ITIH3: variants seen among roughly 807,000 people sequenced by gnomAD.
ITIH3 encodes inter-alpha-trypsin inhibitor heavy chain 3, also known as inter-alpha-trypsin inhibitor heavy chain H3.
ITIH3 carries 81 observed loss-of-function variants against 96.5 expected under a neutral mutation model. The ratio of observed to expected loss-of-function variants is 0.84; its 90% CI spans 0.70 to 1.01. The LOEUF (loss-of-function observed/expected upper bound fraction) is 1.01. ITIH3 is among the 50% of genes least tolerant of loss of function. The pLI is 0.00. For missense variants in ITIH3, 1,057 were observed against 1,139.3 expected, an observed-to-expected ratio of 0.93 and a Z score of 1.04; for synonymous variants, 422 against 445.2, an observed-to-expected ratio of 0.95 and a Z score of 0.66.
In ITIH3 at chr3:52,800,561, C is replaced by G. The variant is rs548752822; in HGVS notation, c.1099C>G (p.Leu367Val). The change falls in exon 10 of 22, where the codon CTG becomes GTG. Residue 367 changes from leucine to valine, a missense_variant. Leu to Val is a conservative substitution (Grantham distance 32). Transcript: ENST00000449956. The stretch of plus-strand genomic sequence containing the variant: ...AGTGACCAACATCAATGACGGGCTG[C>G]TGAGGGGCATCAGTATGCTGAACAA... ...KGMTNINDGLLRGISMLNKAR... is the reference protein window; with the variant it reads ...KGMTNINDGLVRGISMLNKAR... 6.4e-7 allele frequency: 1 copy of G among 1,558,162 alleles called. No individual in the cohort carries two copies. Among genetic ancestry groups the G allele is most frequent in the East Asian group, 2.4e-5 (1 of 41,446 alleles).
At chr3:52,795,789 A>G in intron 2 of ITIH3, 166 bp downstream of exon 2, 2 of 630,960 alleles carry the variant, frequency 3.2e-6, no homozygotes, top group South Asian at 2.2e-5. Flanking sequence ...CCTGGGAAAG[A>G]GCACCACAGA....
intron 2 of ITIH3, 28 bp downstream of exon 2, chr3:52,795,651 C>T (rs373734110): frequency 2.2e-5 from 35 of 1,608,582 alleles, no homozygotes; most frequent in African/African-American, 5.3e-5. Context: ...GGGGTGGGAC[C>T]GAGTGGGGCA....
At chr3:52,800,714 G>A (rs1327101102) in intron 10 of ITIH3, 51 bp downstream of exon 10, 1 of 1,580,304 alleles carries the variant, frequency 6.3e-7, no homozygotes, top group South Asian at 1.2e-5. Context: ...CTTGGCTGCT[G>A]CTCCTGGCTC....
At chr3:52,803,810 G>A (rs1180500412) in intron 13 of ITIH3, 45 bp from the exon 14 acceptor site, 1 of 1,606,408 alleles carries the variant, frequency 6.2e-7, no homozygotes, top group Non-Finnish European at 8.5e-7. Context: ...AAGTGGGCAG[G>A]GTGCTGCTCT....
rs1424930264 is a variant in ITIH3 at position 52,794,865 on chromosome 3, G to A, written c.62G>A (p.Gly21Asp). 2 of 1,613,990 alleles carry A rather than the reference G, an allele frequency of 1.2e-6. No individual in the cohort carries two copies. Among genetic ancestry groups the A allele is most frequent in the South Asian group, 2.2e-5 (2 of 91,078 alleles). The change falls in exon 1 of 22, where the codon GGC becomes GAC. Residue 21 changes from glycine (G) to aspartate (D), a missense_variant. Physicochemically the swap from Gly to Asp is moderately conservative, Grantham distance 94. Coordinates refer to ENST00000449956, the MANE Select transcript of ITIH3 (RefSeq NM_002217.4). The stretch of plus-strand genomic sequence containing the variant: ...CTGCTCTCCAGCTTGGCAGCCTCTG[G>A]CTTCCCGAGAAGCCCCTTTCGGCTG... ...LALLSSLAAS[G>D]FPRSPFRLLG...
At chr3:52,803,266 TTTTA>T (rs146326248) in intron 13 of ITIH3, among the ~76,000 whole-genome samples, 55,556 of 142,376 alleles carry the variant, frequency 0.39, 11,633 homozygotes, top group Non-Finnish European at 0.49. Context: ...TAGCCCCTTA[TTTTA>T]TTTATTTATT....
chr3:52,795,809 C>G (rs924542171), intron 2 of ITIH3, 186 bp downstream of exon 2: 1 of 577,596 alleles, frequency 1.7e-6, no homozygotes, highest in Non-Finnish European at 3.0e-6. Context: ...AGTGACGACC[C>G]CTCCAACCTC....
In ITIH3 at chr3:52,806,968, T is replaced by C; in HGVS notation, c.2124T>C (p.Thr708=). 6.3e-7 allele frequency: 1 copy of C among 1,595,052 alleles called. No individual in the cohort carries two copies. ...GCCCTGACTCCAAGACCAGAAAGAC[T>C]TACTTTGGAAAACTGGGCATCGCCA... ...RGSPDSKTRK[T]YFGKLGIANA... is the part of the protein sequence containing the mutation. The change falls in exon 19 of 22, where the codon ACT becomes ACC. Residue 708 remains threonine, a synonymous_variant. Transcript: ENST00000449956.
chr3:52,804,580 AG>A, intron 14 of ITIH3, 145 bp from the exon 15 acceptor site: 1 of 763,122 alleles, frequency 1.3e-6, no homozygotes, highest in Non-Finnish European at 2.2e-6. Context: ...TCCTAGTTCC[AG>A]GGGACACCCA....
chr3:52,804,821 C>G (rs540877907), intron 15 of ITIH3, 87 bp downstream of exon 15: 1 of 1,451,934 alleles, frequency 6.9e-7, no homozygotes. Context: ...AGATAGGACC[C>G]CCAGCCATGG....
intron 9 of ITIH3, 62 bp downstream of exon 9, chr3:52,799,983 C>G: frequency 6.6e-7 from 1 of 1,514,804 alleles, no homozygotes; most frequent in Non-Finnish European, 9.0e-7. Context: ...CCTGAGCAGC[C>G]TGCAACCCCC....
chr3:52,795,759 G>A, intron 2 of ITIH3, 136 bp downstream of exon 2: 2 of 784,832 alleles, frequency 2.5e-6, no homozygotes. Context: ...TGCCCTGGCA[G>A]CCTCCAACAG....
At chr3:52,805,259 T>C in intron 15 of ITIH3, 1 of 994,674 alleles carries the variant, frequency 1.0e-6, no homozygotes, top group Non-Finnish European at 1.2e-6. Context: ...TCCCTGCCAC[T>C]AGGCAGGGCC....
intron 11 of ITIH3, chr3:52,802,089 ATTTCT>A (rs1699849641): frequency 2.3e-6 from 1 of 436,184 alleles, no homozygotes; most frequent in Non-Finnish European, 3.9e-6. Flanking sequence ...GTCCTTTCAT[ATTTCT>A]TTTTTTTTTT....
rs368235477 is a variant in ITIH3, at chr3:52,802,478, G to C, written c.1528G>C (p.Glu510Gln). The change falls in exon 12 of 22, where the codon GAG (glutamate) becomes CAG (glutamine). Residue 510 changes from glutamate (E) to glutamine (Q), a missense_variant. Coordinates refer to ENST00000449956, the MANE Select transcript of ITIH3 (RefSeq NM_002217.4). ...CGTGGTGGCCGGGCGCCTGGTGGAC[G>C]AGGACATGAACAGCTTTAAGGCAGA... ...EIVVAGRLVD[E>Q]DMNSFKADVK... The C allele has an allele frequency of 9.3e-6, 15 of 1,613,846 alleles. No homozygotes were observed. The highest frequency in any genetic ancestry group is 1.7e-5 in the Admixed American group (1 of 60,004).
chr3:52,807,986 C>A, intron 20 of ITIH3, 70 bp downstream of exon 20: 1 of 1,576,284 alleles, frequency 6.3e-7, no homozygotes, highest in South Asian at 1.1e-5. Context: ...ACAAGGCCTT[C>A]CTAGGCACCC....
chr3:52,803,746 A>T (rs1459287081), intron 13 of ITIH3, 109 bp from the exon 14 acceptor site: 9 of 1,261,298 alleles, frequency 7.1e-6, no homozygotes, highest in Non-Finnish European at 1.0e-5. Flanking sequence ...GGACCCCACA[A>T]TGGGGAAGGT....
chr3:52,807,432 C>T (rs1280070016), intron 19 of ITIH3, among the ~76,000 whole-genome samples: 1 of 152,228 alleles, frequency 6.6e-6, no homozygotes, highest in East Asian at 1.9e-4. Context: ...GAGCCTCCCA[C>T]TGAGGCTCAG....
chr3:52,798,648 T>C (rs1234064589), intron 6 of ITIH3: 2 of 360,754 alleles, frequency 5.5e-6, no homozygotes, highest in Admixed American at 3.9e-5. Context: ...CTAATGGGTG[T>C]GTGAGGCCAA....
Sources: gnomAD v4.1 joint callset for allele counts (sites outside exome capture counted in the v4.1 genomes callset) on GRCh38, gnomAD v4.1.1 for gene constraint, MANE v1.5 for transcripts, NCBI Gene and HGNC (gene_info 2026-07-23, HGNC 2026-07-21) for gene names.